The following DNAJC18 variants were observed in gnomAD, a reference collection of about 807,000 sequenced individuals.
DNAJC18 encodes the protein dnaJ homolog subfamily C member 18.
In DNAJC18, 40 loss-of-function variants were observed where a neutral mutation model predicts 48.6. The observed-to-expected ratio is 0.82, with a 90% CI of 0.64 to 1.07. The LOEUF (loss-of-function observed/expected upper bound fraction) is 1.07. Ranked by LOEUF, DNAJC18 falls within the 50% of genes least tolerant of loss-of-function variation. DNAJC18 has a pLI of 0.00. For synonymous variants in DNAJC18, 135 were observed against 152.2 expected (o/e 0.89, Z 0.83); for missense variants, 340 against 427.7 (o/e 0.79, Z 1.81).
chr5:139,426,887 TA>T (rs1581418734), intron 3 of DNAJC18, among the ~76,000 whole-genome samples: 1 of 152,116 alleles, frequency 6.6e-6, no homozygotes, highest in Non-Finnish European at 1.5e-5. Context: ...CTCTTTACTT[TA>T]AAAAAAATTT....
At chr5:139,427,337 A>G (rs1379145433) in intron 3 of DNAJC18, among the ~76,000 whole-genome samples, 2 of 152,196 alleles carry the variant, frequency 1.3e-5, no homozygotes, top group Non-Finnish European at 2.9e-5. Context: ...AATTTCATTT[A>G]AACATACAAT....
chr5:139,437,343 T>A (rs774034980), intron 2 of DNAJC18, 29 bp downstream of exon 2: 1 of 1,563,532 alleles, frequency 6.4e-7, no homozygotes, highest in South Asian at 1.2e-5. Context: ...TTCCATAAAA[T>A]CACTCATTTA....
At chr5:139,419,625 T>C (rs73790657) in intron 7 of DNAJC18, among the ~76,000 whole-genome samples, 3,758 of 152,208 alleles carry the variant, frequency 0.025, 158 homozygotes, top group African/African-American at 0.086. Context: ...ACGTGTGTGC[T>C]GCAGAAAGGG....
chr5:139,425,487 T>C (rs915051356), intron 4 of DNAJC18, among the ~76,000 whole-genome samples: 2 of 152,238 alleles, frequency 1.3e-5, no homozygotes, highest in African/African-American at 4.8e-5. Flanking sequence ...TTCAAGGTCC[T>C]TGTTCCCAGC....
chr5:139,418,206 T>C (rs1270189343), intron 7 of DNAJC18, among the ~76,000 whole-genome samples: 2 of 152,224 alleles, frequency 1.3e-5, no homozygotes, highest in Non-Finnish European at 2.9e-5. Flanking sequence ...GATCTCGCTC[T>C]GTGGCCCAGG....
rs991952208 is a variant in DNAJC18, at chr5:139,415,003, G to A, written c.953-731C>T. 1.9e-4 allele frequency among the ~76,000 whole-genome samples: 29 copies of A among 152,120 alleles called. 2 individuals carry two copies. The highest frequency in any genetic ancestry group is 1.9e-3 in the Admixed American group (29 of 15,286). ...GGTTGCCTCTATTTTTTATTCTTTT[G>A]TGAGGTTTCAGACATATTCAGGGAG... On this transcript the variant is annotated intron_variant, in intron 7 of 7. Coordinates refer to ENST00000302060, the MANE Select transcript of DNAJC18 (RefSeq NM_152686.4).
At chr5:139,434,535 C>G (rs996652821) in intron 2 of DNAJC18, among the ~76,000 whole-genome samples, 1 of 152,122 alleles carries the variant, frequency 6.6e-6, no homozygotes, top group Non-Finnish European at 1.5e-5. Flanking sequence ...GTCGCTCAGG[C>G]TCGTCTTGAA....
rs74411440 is a variant in DNAJC18, at chr5:139,413,877, G to A, written c.*271C>T. On this transcript the variant is annotated 3_prime_UTR_variant, in exon 8 of 8. Coordinates refer to ENST00000302060, the MANE Select transcript of DNAJC18 (RefSeq NM_152686.4). ...CCCTGAACTCCATTCACATAGGCAG[G>A]GTAGGCATGGAGCAGGGAGACGGAA... is the stretch of plus-strand genomic sequence containing the variant. 990 of 405,912 alleles carry A rather than the reference G, an allele frequency of 2.4e-3. 6 individuals are homozygous for A. Among genetic ancestry groups the A allele is most frequent in the African/African-American group, 0.019 (913 of 48,282 alleles). 25.1% of individuals were successfully genotyped at this position (405,912 alleles called of 1,614,324 possible).
At chr5:139,437,106 T>C (rs989725751) in intron 2 of DNAJC18, among the ~76,000 whole-genome samples, 1 of 152,220 alleles carries the variant, frequency 6.6e-6, no homozygotes. Flanking sequence ...AAAATCGTTC[T>C]GTTGTTGTTG....
At chr5:139,417,328 G>T (rs771206847) in intron 7 of DNAJC18, among the ~76,000 whole-genome samples, 18 of 152,260 alleles carry the variant, frequency 1.2e-4, no homozygotes, top group Middle Eastern at 3.4e-3. Context: ...TTTGCCAAGA[G>T]TGAACTTTGT....
intron 2 of DNAJC18, among the ~76,000 whole-genome samples, chr5:139,429,088 T>TC: frequency 6.7e-6 from 1 of 148,380 alleles, no homozygotes; most frequent in Middle Eastern, 3.4e-3. Flanking sequence ...TGCTTTTTTT[T>TC]TTTTTTTTTT....
chr5:139,437,680 A>G, intron 1 of DNAJC18, 122 bp from the exon 2 acceptor site: 1 of 1,151,886 alleles, frequency 8.7e-7, no homozygotes, highest in Non-Finnish European at 1.2e-6. Context: ...GGCCAGGGCT[A>G]GAGGCGTCAT....
At chr5:139,425,137 G>A (rs757039690) in intron 4 of DNAJC18, 23 bp from the exon 5 acceptor site, 3 of 1,590,636 alleles carry the variant, frequency 1.9e-6, no homozygotes, top group Non-Finnish European at 2.6e-6. Context: ...TACATGGTAT[G>A]GGATATGGCA....
chr5:139,412,639 G>A lies in DNAJC18; in HGVS notation c.*1509C>T, dbSNP rs891393546. The A allele has an allele frequency of 1.8e-5, 7 of 398,530 alleles. No individual in the cohort carries two copies. The Admixed American group carries it at 3.1e-4, about 18-fold the overall frequency. 24.7% of individuals were successfully genotyped at this position (398,530 alleles called of 1,614,324 possible). ...TACAGTCACTTAATGATCCTTCCAA[G>A]TTCAGAGTCATGATAATTCAGGCAG... is the stretch of plus-strand genomic sequence containing the variant. On this transcript the variant is annotated 3_prime_UTR_variant, in exon 8 of 8. Transcript: ENST00000302060.
chr5:139,437,293 C>T, intron 2 of DNAJC18, 79 bp downstream of exon 2: 1 of 1,464,364 alleles, frequency 6.8e-7, no homozygotes, highest in Non-Finnish European at 9.1e-7. Flanking sequence ...TATCATCAGT[C>T]AATACTTACA....
intron 2 of DNAJC18, among the ~76,000 whole-genome samples, chr5:139,435,705 G>GTTTTGTTT (rs1750628150): frequency 1.2e-4 from 5 of 41,190 alleles, no homozygotes; most frequent in African/African-American, 2.2e-4. Flanking sequence ...TTCATTGGAA[G>GTTTTGTTT]TTTTTTTTTT....
intron 7 of DNAJC18, among the ~76,000 whole-genome samples, chr5:139,416,243 T>TG (rs1759067628): frequency 6.6e-6 from 1 of 152,230 alleles, no homozygotes; most frequent in African/African-American, 2.4e-5. Context: ...AAAAAAATTT[T>TG]GGGGAGTGGC....
intron 2 of DNAJC18, among the ~76,000 whole-genome samples, chr5:139,431,743 T>C (rs1759332656): frequency 6.6e-6 from 1 of 152,244 alleles, no homozygotes; most frequent in Non-Finnish European, 1.5e-5. Context: ...TCAATAATCT[T>C]AATTTTCTTC....
intron 7 of DNAJC18, among the ~76,000 whole-genome samples, chr5:139,414,766 A>G (rs1189951596): frequency 6.6e-6 from 1 of 152,262 alleles, no homozygotes; most frequent in Non-Finnish European, 1.5e-5. Flanking sequence ...AGGCCAGGGC[A>G]CTACTGGCGC....
Sources: gnomAD v4.1 joint callset for allele counts (sites outside exome capture counted in the v4.1 genomes callset) on GRCh38, gnomAD v4.1.1 for gene constraint, MANE v1.5 for transcripts, NCBI Gene and HGNC (gene_info 2026-07-23, HGNC 2026-07-21) for gene names.